Variants in EPB41L4A observed in about 807,000 individuals in gnomAD.
EPB41L4A encodes the protein erythrocyte membrane protein band 4.1 like 4A, also known as band 4.1-like protein 4A.
In EPB41L4A, 100 loss-of-function variants were observed where a neutral mutation model predicts 108.6. That is an observed-to-expected ratio of 0.92 (90% confidence interval 0.78 to 1.09). The LOEUF is 1.09. Ranked by LOEUF, EPB41L4A falls within the 50% of genes least tolerant of loss-of-function variation. EPB41L4A has a pLI of 0.00. For synonymous variants in EPB41L4A, 319 were observed against 289.0 expected, an observed-to-expected ratio of 1.10 and a Z score of -1.05; for missense variants, 1,030 against 842.7, an observed-to-expected ratio of 1.22 and a Z score of -2.75.
At chr5:112,229,936 C>T (rs945221500) in intron 12 of EPB41L4A, among the ~76,000 whole-genome samples, 2 of 149,260 alleles carry the variant, frequency 1.3e-5, no homozygotes, top group Non-Finnish European at 3.0e-5. Context: ...TGCAGTGAGC[C>T]GAGATCACGC....
At chr5:112,161,171 A>G, downstream of EPB41L4A, 2 of 199,718 alleles carry the variant, frequency 1.0e-5, no homozygotes, top group Non-Finnish European at 1.1e-5. Context: ...GTCAGTGAAA[A>G]GGCCTTACCG....
chr5:112,306,479 T>C (rs1000679919), intron 2 of EPB41L4A, among the ~76,000 whole-genome samples: 1 of 152,134 alleles, frequency 6.6e-6, no homozygotes, highest in African/African-American at 2.4e-5. Flanking sequence ...TCACCATCAA[T>C]AGTGGAAACA....
chr5:112,377,646 C>A (rs1055003594), intron 1 of EPB41L4A, among the ~76,000 whole-genome samples: 2 of 152,058 alleles, frequency 1.3e-5, no homozygotes, highest in African/African-American at 4.8e-5. Context: ...CCCATGGCGA[C>A]CCTCAACATA....
At chr5:112,300,547 T>C (rs1456164435) in intron 2 of EPB41L4A, among the ~76,000 whole-genome samples, 3 of 152,196 alleles carry the variant, frequency 2.0e-5, no homozygotes, top group Non-Finnish European at 4.4e-5. Context: ...CCTTTATAGA[T>C]TACCTAATGC....
chr5:112,230,892 C>T (rs951883608), intron 12 of EPB41L4A, among the ~76,000 whole-genome samples: 7 of 152,098 alleles, frequency 4.6e-5, no homozygotes, highest in East Asian at 1.9e-4. Flanking sequence ...CACTGCACTC[C>T]GGCCTGGGTG....
chr5:112,394,074 T>C (rs577345916), intron 1 of EPB41L4A, among the ~76,000 whole-genome samples: 27 of 152,326 alleles, frequency 1.8e-4, no homozygotes, highest in African/African-American at 5.8e-4. Flanking sequence ...AAACTAGGTA[T>C]TGATAGGATG....
intron 9 of EPB41L4A, among the ~76,000 whole-genome samples, chr5:112,258,350 G>T (rs1184272295): frequency 1.3e-5 from 2 of 152,180 alleles, no homozygotes; most frequent in African/African-American, 2.4e-5. Flanking sequence ...GTCTCAGTGT[G>T]TGCATGCATA....
chr5:112,165,490 T>C (rs1760187370), intron 22 of EPB41L4A, among the ~76,000 whole-genome samples: 1 of 152,222 alleles, frequency 6.6e-6, no homozygotes, highest in Admixed American at 6.5e-5. Flanking sequence ...CCCCTGATTA[T>C]ATTTTCAGTA....
At chr5:112,216,297 C>T (rs532928274) in intron 12 of EPB41L4A, among the ~76,000 whole-genome samples, 5 of 152,148 alleles carry the variant, frequency 3.3e-5, no homozygotes, top group African/African-American at 1.2e-4. Context: ...AATAGGATTA[C>T]GAGTCTCACA....
At chr5:112,221,752 T>A (rs1247122736) in intron 12 of EPB41L4A, among the ~76,000 whole-genome samples, 1 of 152,208 alleles carries the variant, frequency 6.6e-6, no homozygotes, top group African/African-American at 2.4e-5. Flanking sequence ...AAGGTGTCAT[T>A]TATGGTAACT....
intron 1 of EPB41L4A, among the ~76,000 whole-genome samples, chr5:112,328,911 C>A (rs1259547174): frequency 6.6e-6 from 1 of 152,202 alleles, no homozygotes; most frequent in Non-Finnish European, 1.5e-5. Flanking sequence ...TTTCTTGCAT[C>A]ATTCTTAAAC....
At chr5:112,403,376 G>T (rs1377931708) in intron 1 of EPB41L4A, among the ~76,000 whole-genome samples, 1 of 149,280 alleles carries the variant, frequency 6.7e-6, no homozygotes, top group Non-Finnish European at 1.5e-5. Flanking sequence ...TCTTACAAAG[G>T]CTAAATCATA....
At chr5:112,331,649 A>G (rs752883062) in intron 1 of EPB41L4A, among the ~76,000 whole-genome samples, 4 of 152,290 alleles carry the variant, frequency 2.6e-5, no homozygotes, top group South Asian at 2.1e-4. Context: ...CTGCACCCCA[A>G]TGAATGTCAG....
intron 1 of EPB41L4A, among the ~76,000 whole-genome samples, chr5:112,365,448 T>C (rs754321706): frequency 6.6e-6 from 1 of 151,700 alleles, no homozygotes; most frequent in Non-Finnish European, 1.5e-5. Context: ...TCTGATTTAA[T>C]ATCAACTCCC....
intron 12 of EPB41L4A, chr5:112,228,771 T>A: frequency 1.0e-6 from 1 of 985,046 alleles, no homozygotes. Context: ...CCTCCTGCCG[T>A]CCCTTTTCTG....
In EPB41L4A at chr5:112,193,173, A is replaced by G. The variant is rs142633218; in HGVS notation, c.1502+1395T>C. Among the ~76,000 whole-genome samples, 6 of 152,358 alleles carry G rather than the reference A, an allele frequency of 3.9e-5. No homozygotes were observed. The East Asian group carries it at 7.7e-4, about 20-fold the overall frequency. On this transcript the variant is annotated intron_variant, in intron 17 of 22. Transcript: ENST00000261486. ...CCACTCTTACAATGCTGTCTGGGCT[A>G]TTATTACACAGGCTTTGTAGTTAGA... is the stretch of plus-strand genomic sequence containing the variant.
In EPB41L4A at chr5:112,164,845, A is replaced by T; in HGVS notation, c.*145T>A. Reference sequence around the variant, plus strand: ...TGATAACATCTCAAAAAAAAAAAAAAAAAGAAGCAAAAGATAATGTATTTT... The same window carrying T: ...TGATAACATCTCAAAAAAAAAAAAATAAAGAAGCAAAAGATAATGTATTTT... On this transcript the variant is annotated 3_prime_UTR_variant, in exon 23 of 23. Transcript: ENST00000261486. 1.0e-6 allele frequency: 1 copy of T among 976,168 alleles called. No individual in the cohort carries two copies. The highest frequency in any genetic ancestry group is 1.4e-6 in the Non-Finnish European group (1 of 700,916). 60.5% of individuals were successfully genotyped at this position (976,168 alleles called of 1,614,324 possible).
At chr5:112,414,170 G>C (rs1044712037) in intron 1 of EPB41L4A, among the ~76,000 whole-genome samples, 1 of 152,104 alleles carries the variant, frequency 6.6e-6, no homozygotes, top group South Asian at 2.1e-4. Flanking sequence ...TGTGTATAAA[G>C]ATATGAAGCA....
upstream of EPB41L4A, chr5:112,419,733 G>A (rs756561368): frequency 6.6e-6 from 3 of 456,628 alleles, no homozygotes; most frequent in African/African-American, 6.0e-5. Flanking sequence ...CCGGAAGAGA[G>A]GCGGAAAGGG....
Sources: gnomAD v4.1 joint callset for allele counts (sites outside exome capture counted in the v4.1 genomes callset) on GRCh38, gnomAD v4.1.1 for gene constraint, MANE v1.5 for transcripts, NCBI Gene and HGNC (gene_info 2026-07-23, HGNC 2026-07-21) for gene names.